Variants in MYOF observed in about 807,000 individuals in gnomAD.
The protein encoded by MYOF is myoferlin.
MYOF carries 244 observed loss-of-function variants against 284.2 expected under a neutral mutation model. The ratio of observed to expected loss-of-function variants is 0.86; its 90% CI spans 0.77 to 0.95. The LOEUF (loss-of-function observed/expected upper bound fraction) is 0.95. Ranked by LOEUF, MYOF falls within the 40% of genes least tolerant of loss-of-function variation. The probability of loss-of-function intolerance (pLI) is 0.00; values close to 1 mark genes in which losing one functional copy is unlikely to be tolerated. For synonymous variants in MYOF, 904 were observed against 919.7 expected (o/e 0.98, Z 0.31); for missense variants, 2,496 against 2,560.6 (o/e 0.97, Z 0.54).
chr10:93,327,495 C>G (rs112066274), intron 45 of MYOF, among the ~76,000 whole-genome samples: 4 of 152,214 alleles, frequency 2.6e-5, no homozygotes, highest in African/African-American at 9.6e-5. Context: ...CCCCGCAAAA[C>G]TGTGAGGAAA....
At chr10:93,377,566 T>C (rs969108876) in intron 21 of MYOF, 137 bp from the exon 22 acceptor site, 1 of 655,656 alleles carries the variant, frequency 1.5e-6, no homozygotes, top group Non-Finnish European at 2.6e-6. Context: ...CCAGCAAAGA[T>C]AGGAGAGGGA....
At chr10:93,413,499 C>T (rs1202038816) in intron 5 of MYOF, among the ~76,000 whole-genome samples, 1 of 152,178 alleles carries the variant, frequency 6.6e-6, no homozygotes, top group Non-Finnish European at 1.5e-5. Context: ...AGCAGTTGTG[C>T]TGGCAGGCCC....
intron 5 of MYOF, among the ~76,000 whole-genome samples, chr10:93,420,224 C>T (rs144221461): frequency 2.6e-4 from 39 of 152,246 alleles, no homozygotes; most frequent in South Asian, 1.2e-3. Flanking sequence ...TTGGACAGAG[C>T]GCAAATTTAA....
intron 19 of MYOF, among the ~76,000 whole-genome samples, chr10:93,387,454 G>A (rs1846434857): frequency 6.6e-6 from 1 of 152,182 alleles, no homozygotes; most frequent in Non-Finnish European, 1.5e-5. Context: ...TCCTGTGCTG[G>A]GAAGCCTGAG....
chr10:93,378,992 T>C (rs1327473862), intron 21 of MYOF, among the ~76,000 whole-genome samples: 1 of 152,000 alleles, frequency 6.6e-6, no homozygotes, highest in South Asian at 2.1e-4. Context: ...CTGGGATTAC[T>C]GGCGTGAGCC....
Position 93,313,297 on chromosome 10 carries a change from A to G in MYOF, c.5699-87T>C, listed in dbSNP as rs1031111938. On this transcript the variant is annotated intron_variant, in intron 50 of 53. Coordinates refer to ENST00000359263, the MANE Select transcript of MYOF (RefSeq NM_013451.4). ...GTGAACAGAACGTTCTTATCAGGAG[A>G]GAGGCACACAGTGATTTTGAACAGG... 3.5e-5 allele frequency: 43 copies of G among 1,241,122 alleles called. No individual in the cohort carries two copies. In the Admixed American group the frequency reaches 9.5e-4, roughly 27 times the overall value. The allele number at this position is 1,241,122 out of a possible 1,614,324, so 76.9% of individuals were successfully genotyped here.
At chr10:93,446,254 T>C (rs1429961736) in intron 3 of MYOF, among the ~76,000 whole-genome samples, 1 of 152,102 alleles carries the variant, frequency 6.6e-6, no homozygotes, top group Non-Finnish European at 1.5e-5. Flanking sequence ...GGATGAGAGA[T>C]AATGTTCTAA....
intron 16 of MYOF, among the ~76,000 whole-genome samples, chr10:93,393,480 A>C (rs918398870): frequency 6.6e-6 from 1 of 152,218 alleles, no homozygotes; most frequent in African/African-American, 2.4e-5. Flanking sequence ...AGGGCCTGCA[A>C]TGAGAGGCCC....
Position 93,367,337 on chromosome 10 carries a change from T to G in MYOF, c.2590-782A>C, listed in dbSNP as rs572020694. Among the ~76,000 whole-genome samples the G allele has an allele frequency of 2.6e-5, 4 of 152,322 alleles. No individual in the cohort carries two copies. In the South Asian group the frequency reaches 8.3e-4, roughly 32 times the overall value. On this transcript the variant is annotated intron_variant, in intron 25 of 53. Coordinates refer to ENST00000359263, the MANE Select transcript of MYOF (RefSeq NM_013451.4). ...GTCCATGTTTGGATCCAAACTAGAA[T>G]TTCCAATTGTCTGCTGATGAATCCA...
At chr10:93,406,389 TC>T (rs1042983033) in intron 7 of MYOF, among the ~76,000 whole-genome samples, 1 of 147,788 alleles carries the variant, frequency 6.8e-6, no homozygotes, top group Admixed American at 6.9e-5. Context: ...ACTGGACTTC[TC>T]TTTTGCCAAG....
At chr10:93,354,666 A>ACACTCTCTCTCTCT (rs1554844078) in intron 31 of MYOF, among the ~76,000 whole-genome samples, 1 of 119,236 alleles carries the variant, frequency 8.4e-6, no homozygotes, top group Non-Finnish European at 1.8e-5. Flanking sequence ...TCACACATTC[A>ACACTCTCTCTCTCT]CTCTCTCTCT....
At chr10:93,347,888 GAGGACTCGCAAT>G in intron 36 of MYOF, 106 bp from the exon 37 acceptor site, 1 of 1,152,686 alleles carries the variant, frequency 8.7e-7, no homozygotes, top group Non-Finnish European at 1.2e-6. Flanking sequence ...ACACAGCCCA[GAGGACTCGCAAT>G]AGTTCAGTTA....
At chr10:93,419,755 C>T (rs1196387766) in intron 5 of MYOF, among the ~76,000 whole-genome samples, 6 of 152,344 alleles carry the variant, frequency 3.9e-5, no homozygotes, top group Admixed American at 1.3e-4. Context: ...GAACTGCAAG[C>T]TCCTTGGTGG....
At chr10:93,326,223 G>A (rs970155513) in intron 45 of MYOF, among the ~76,000 whole-genome samples, 14 of 152,158 alleles carry the variant, frequency 9.2e-5, no homozygotes, top group East Asian at 3.8e-4. Context: ...AAGTGGGAGC[G>A]TTATATATTT....
chr10:93,401,474 G>T lies in MYOF; in HGVS notation c.1061C>A (p.Ala354Asp). 1 of 1,614,118 alleles carries T rather than the reference G, an allele frequency of 6.2e-7. No individual in the cohort carries two copies. The highest frequency in any genetic ancestry group is 8.5e-7 in the Non-Finnish European group (1 of 1,180,008). ...ESNLLLPAGI[A>D]LRWVTFLLKI... ...CAGCAAGAAGGTCACCCACCGGAGG[G>T]CAATGCCAGCAGGGAGTAACAAATT... is the stretch of plus-strand genomic sequence containing the variant. Residue 354 changes from alanine (A) to aspartate (D), a missense_variant, in exon 12 of 54, where the codon GCC becomes GAC. This residue lies in a region of MYOF where 2,436 missense variants were observed against 2,480.7 expected (regional missense o/e 0.98). Coordinates refer to ENST00000359263, the MANE Select transcript of MYOF (RefSeq NM_013451.4).
Position 93,337,845 on chromosome 10 carries a change from C to A in MYOF, c.4407G>T (p.Gln1469His). ...GCTTGGAATAGCCTTTCTGAATATA[C>A]TGTCCGCATTTTTCATGTTCCCCTG... ...ASSGEHEKCG[Q>H]YIQKGYSKLK... The change falls in exon 40 of 54, where the codon CAG becomes CAT. Residue 1469 changes from glutamine to histidine, a missense_variant. Gln to His is a conservative substitution (Grantham distance 24, BLOSUM62 0). This residue lies in a region of MYOF where 2,436 missense variants were observed against 2,480.7 expected (regional missense o/e 0.98). Transcript: ENST00000359263. 6.2e-7 allele frequency: 1 copy of A among 1,614,108 alleles called. No homozygotes were observed. Among genetic ancestry groups the A allele is most frequent in the Non-Finnish European group, 8.5e-7 (1 of 1,179,984 alleles).
Position 93,306,855 on chromosome 10 carries a change from C to A in MYOF, c.*108G>T. ...AATGGGGCTCGGTGACATGGCGTAA[C>A]CTGCTACTGGGGTGTGGTCTCAGAC... On this transcript the variant is annotated 3_prime_UTR_variant, in exon 54 of 54. Transcript: ENST00000359263. 1 of 1,179,610 alleles carries A rather than the reference C, an allele frequency of 8.5e-7. No homozygotes were observed. The allele number at this position is 1,179,610 out of a possible 1,614,324, so 73.1% of individuals were successfully genotyped here. A position where few individuals can be genotyped will look rare whatever the true frequency, so the allele number is the denominator to read the frequency against.
chr10:93,345,980 G>C (rs958398473), intron 37 of MYOF, among the ~76,000 whole-genome samples: 6 of 152,062 alleles, frequency 3.9e-5, no homozygotes, highest in Admixed American at 2.6e-4. Flanking sequence ...TACCCTCTGG[G>C]TGATTTCACA....
intron 29 of MYOF, among the ~76,000 whole-genome samples, chr10:93,357,305 C>T (rs564715809): frequency 1.3e-5 from 2 of 152,314 alleles, no homozygotes; most frequent in Admixed American, 6.5e-5. Context: ...TAATAGCTGC[C>T]ATAACTGATA....
Sources: allele counts gnomAD v4.1 joint callset (sites outside exome capture counted in the v4.1 genomes callset), GRCh38; gene constraint gnomAD v4.1.1; regional missense constraint gnomAD v4.1.1; transcripts MANE v1.5; gene names NCBI Gene and HGNC (gene_info 2026-07-23, HGNC 2026-07-21).